The following KCNH5 variants were observed in gnomAD, a reference collection of about 807,000 sequenced individuals.
KCNH5 encodes the protein potassium voltage-gated channel subfamily H member 5, also known as voltage-gated delayed rectifier potassium channel KCNH5.
KCNH5 carries 46 observed loss-of-function variants against 96.1 expected under a neutral mutation model. The observed-to-expected ratio is 0.48, with a 90% CI of 0.38 to 0.61. The LOEUF (loss-of-function observed/expected upper bound fraction) is 0.61, where lower values mean the gene tolerates loss of function less well. Ranked by LOEUF, KCNH5 falls within the 20% of genes least tolerant of loss-of-function variation. The pLI is 0.00. For missense variants in KCNH5, 907 were observed against 1,225.8 expected, an observed-to-expected ratio of 0.74 and a Z score of 3.88; for synonymous variants, 439 against 449.8, an observed-to-expected ratio of 0.98 and a Z score of 0.30.
intron 4 of KCNH5, among the ~76,000 whole-genome samples, chr14:62,988,137 A>G (rs944974725): frequency 2.6e-5 from 4 of 152,108 alleles, no homozygotes; most frequent in African/African-American, 9.7e-5. Context: ...CATTAATCTC[A>G]AGGAAATGTC....
chr14:62,897,605 C>G (rs1411577524), intron 7 of KCNH5, among the ~76,000 whole-genome samples: 1 of 151,972 alleles, frequency 6.6e-6, no homozygotes, highest in Admixed American at 6.6e-5. Context: ...CTGTTTGACC[C>G]AGAACAAGGC....
At chr14:62,766,103 C>T (rs1430652113) in intron 10 of KCNH5, among the ~76,000 whole-genome samples, 2 of 151,970 alleles carry the variant, frequency 1.3e-5, no homozygotes, top group Non-Finnish European at 2.9e-5. Context: ...CTCAACATCA[C>T]TTTGAGCAAA....
At chr14:63,042,789 C>A (rs1330094786) in intron 1 of KCNH5, among the ~76,000 whole-genome samples, 1 of 152,046 alleles carries the variant, frequency 6.6e-6, no homozygotes, top group South Asian at 2.1e-4. Flanking sequence ...CAATTTAATA[C>A]CATAATTCTC....
intron 8 of KCNH5, among the ~76,000 whole-genome samples, chr14:62,809,501 C>T (rs1332826971): frequency 6.6e-6 from 1 of 152,020 alleles, no homozygotes; most frequent in South Asian, 2.1e-4. Context: ...GGTCCAGGAG[C>T]CACAGGTTAT....
chr14:62,745,985 G>A (rs758147834), intron 10 of KCNH5, among the ~76,000 whole-genome samples: 3 of 152,166 alleles, frequency 2.0e-5, no homozygotes, highest in Non-Finnish European at 2.9e-5. Context: ...ACAGAAGAGC[G>A]GGTTTCTGAG....
At chr14:62,990,470 GA>G (rs959215331) in intron 4 of KCNH5, among the ~76,000 whole-genome samples, 32 of 149,046 alleles carry the variant, frequency 2.1e-4, no homozygotes, top group African/African-American at 6.5e-4. Context: ...CTTTCTTGAA[GA>G]AAAAAAATCA....
intron 7 of KCNH5, among the ~76,000 whole-genome samples, chr14:62,917,935 A>G (rs1444968315): frequency 6.6e-6 from 1 of 152,196 alleles, no homozygotes. Flanking sequence ...AAAAGAGGGA[A>G]ATGCTGTTCA....
chr14:63,011,247 C>T (rs1355137271), intron 2 of KCNH5, among the ~76,000 whole-genome samples: 1 of 152,136 alleles, frequency 6.6e-6, no homozygotes, highest in Non-Finnish European at 1.5e-5. Flanking sequence ...CTTTGAGAGG[C>T]TGAGGCGGGC....
intron 10 of KCNH5, among the ~76,000 whole-genome samples, chr14:62,714,579 T>G (rs766790249): frequency 5.3e-5 from 8 of 152,304 alleles, no homozygotes; most frequent in East Asian, 3.9e-4. Flanking sequence ...TTTATATAGC[T>G]TAATTTTACC....
intron 7 of KCNH5, among the ~76,000 whole-genome samples, chr14:62,939,756 G>A (rs552688712): frequency 4.5e-4 from 68 of 152,172 alleles, no homozygotes; most frequent in African/African-American, 1.4e-3. Flanking sequence ...CCTGACCAAC[G>A]TGGTGAAACC....
chr14:62,812,769 A>G (rs1886898609), intron 8 of KCNH5, among the ~76,000 whole-genome samples: 1 of 152,112 alleles, frequency 6.6e-6, no homozygotes, highest in African/African-American at 2.4e-5. Flanking sequence ...ATCATAGAGG[A>G]AAAAACTCTT....
intron 7 of KCNH5, among the ~76,000 whole-genome samples, chr14:62,874,110 C>T (rs1007549097): frequency 6.6e-6 from 1 of 152,154 alleles, no homozygotes; most frequent in African/African-American, 2.4e-5. Context: ...GACTTTCATT[C>T]CCAAAGAAGT....
At chr14:62,846,788 T>TC in intron 8 of KCNH5, among the ~76,000 whole-genome samples, 1 of 121,200 alleles carries the variant, frequency 8.3e-6, no homozygotes, top group East Asian at 3.2e-4. Context: ...TTGTATTGTA[T>TC]CTTTTTTTTT....
chr14:62,767,436 A>G (rs1363157503), intron 10 of KCNH5, among the ~76,000 whole-genome samples: 1 of 151,846 alleles, frequency 6.6e-6, no homozygotes, highest in East Asian at 2.0e-4. Flanking sequence ...ATGCTTATCA[A>G]TGGTAGACTA....
At chr14:62,939,053 G>T (rs1442169308) in intron 7 of KCNH5, among the ~76,000 whole-genome samples, 3 of 152,064 alleles carry the variant, frequency 2.0e-5, no homozygotes, top group Admixed American at 6.6e-5. Flanking sequence ...GAGAAAAAAC[G>T]GTTTGGACCC....
intron 7 of KCNH5, among the ~76,000 whole-genome samples, chr14:62,945,991 G>A (rs1422515761): frequency 6.6e-6 from 1 of 151,990 alleles, no homozygotes; most frequent in Non-Finnish European, 1.5e-5. Context: ...TTTGAGCAGA[G>A]GAATGGTGTG....
At chr14:62,909,123 G>A (rs941831740) in intron 7 of KCNH5, among the ~76,000 whole-genome samples, 10 of 128,394 alleles carry the variant, frequency 7.8e-5, no homozygotes, top group Non-Finnish European at 1.6e-4. Flanking sequence ...TCGGCTCACT[G>A]CAAGCTCCGC....
At chr14:62,859,242 C>T (rs949528467) in intron 7 of KCNH5, among the ~76,000 whole-genome samples, 1 of 152,104 alleles carries the variant, frequency 6.6e-6, no homozygotes, top group Non-Finnish European at 1.5e-5. Flanking sequence ...ATCGAGGGCT[C>T]GGTGTTGGTC....
chr14:62,916,165 G>A (rs529433266), intron 7 of KCNH5, among the ~76,000 whole-genome samples: 2 of 152,010 alleles, frequency 1.3e-5, no homozygotes, highest in South Asian at 4.2e-4. Flanking sequence ...TGTTAGCCAG[G>A]ATGGGCTCGA....
Sources: gnomAD v4.1 joint callset for allele counts (sites outside exome capture counted in the v4.1 genomes callset) on GRCh38, gnomAD v4.1.1 for gene constraint, MANE v1.5 for transcripts, NCBI Gene and HGNC (gene_info 2026-07-23, HGNC 2026-07-21) for gene names.